The following SMOC1 variants were observed in gnomAD, a reference collection of about 807,000 sequenced individuals.
SMOC1 encodes SPARC-related modular calcium-binding protein 1.
Under a neutral mutation model 56.3 loss-of-function variants are expected in SMOC1, and 22 were observed. That is an observed-to-expected ratio of 0.39 (90% confidence interval 0.28 to 0.56). The LOEUF is 0.56. Ranked by LOEUF, SMOC1 falls within the 20% of genes least tolerant of loss-of-function variation. SMOC1 has a pLI of 0.61. For missense variants in SMOC1, 509 were observed against 565.4 expected, an observed-to-expected ratio of 0.90 and a Z score of 1.01; for synonymous variants, 193 against 215.0, an observed-to-expected ratio of 0.90 and a Z score of 0.89.
At chr14:69,895,765 C>G (rs988985365) in intron 1 of SMOC1, among the ~76,000 whole-genome samples, 1 of 152,096 alleles carries the variant, frequency 6.6e-6, no homozygotes, top group African/African-American at 2.4e-5. Context: ...TTCTTTCCCC[C>G]CATCAAGGTA....
intron 1 of SMOC1, among the ~76,000 whole-genome samples, chr14:69,895,735 TG>T (rs1453861338): frequency 6.6e-6 from 1 of 152,198 alleles, no homozygotes; most frequent in African/African-American, 2.4e-5. Flanking sequence ...TAACTTTTCC[TG>T]GTGGTATGGC....
At chr14:69,885,240 C>A in intron 1 of SMOC1, 2 of 741,314 alleles carry the variant, frequency 2.7e-6, no homozygotes, top group East Asian at 2.7e-5. Context: ...TGCTTAGGAA[C>A]GATTACTCTC....
Position 69,950,160 on chromosome 14 carries a change from A to G in SMOC1, c.100-1978A>G, listed in dbSNP as rs910313458. On this transcript the variant is annotated intron_variant, in intron 1 of 11. Transcript: ENST00000361956. ...GTGTCTGAAGAGAAAGCGCAATTTCACTGTCCATTTGGACAAGGCCTGTGC... is the reference window on the plus strand; with the variant it reads ...GTGTCTGAAGAGAAAGCGCAATTTCGCTGTCCATTTGGACAAGGCCTGTGC... 1.2e-4 allele frequency among the ~76,000 whole-genome samples: 19 copies of G among 152,328 alleles called. 1 individual carries two copies. The East Asian group carries it at 3.7e-3, about 29-fold the overall frequency.
At chr14:69,931,001 C>A (rs978593285) in intron 1 of SMOC1, among the ~76,000 whole-genome samples, 1 of 152,188 alleles carries the variant, frequency 6.6e-6, no homozygotes, top group East Asian at 1.9e-4. Flanking sequence ...GTCCATTTTG[C>A]ATTTATTCTC....
chr14:69,968,270 G>C (rs76303786), intron 3 of SMOC1, among the ~76,000 whole-genome samples: 10,384 of 152,268 alleles, frequency 0.068, 427 homozygotes, highest in Middle Eastern at 0.15. Flanking sequence ...CAGAGAACCT[G>C]TTAGAAATGC....
chr14:69,893,150 T>A (rs1190145419), intron 1 of SMOC1, among the ~76,000 whole-genome samples: 1 of 152,246 alleles, frequency 6.6e-6, no homozygotes, highest in Non-Finnish European at 1.5e-5. Flanking sequence ...ATCAATAGGT[T>A]TGATCAGGTG....
At chr14:69,906,841 A>G (rs1213316681) in intron 1 of SMOC1, among the ~76,000 whole-genome samples, 1 of 152,204 alleles carries the variant, frequency 6.6e-6, no homozygotes, top group Non-Finnish European at 1.5e-5. Flanking sequence ...AAAGAGAGGA[A>G]TGGAAATGGA....
chr14:69,913,630 A>C (rs944549422), intron 1 of SMOC1, among the ~76,000 whole-genome samples: 3 of 152,190 alleles, frequency 2.0e-5, no homozygotes, highest in Non-Finnish European at 4.4e-5. Flanking sequence ...AAGGCCCTGC[A>C]GTTGGTGGGG....
intron 5 of SMOC1, among the ~76,000 whole-genome samples, chr14:69,978,503 T>C (rs1884054281): frequency 6.6e-6 from 1 of 152,332 alleles, no homozygotes; most frequent in African/African-American, 2.4e-5. Flanking sequence ...TTGAGTCTGA[T>C]GGGACAGTGA....
intron 4 of SMOC1, 49 bp downstream of exon 4, chr14:69,975,863 G>A (rs758594278): frequency 1.8e-5 from 25 of 1,376,700 alleles, no homozygotes; most frequent in African/African-American, 5.7e-5. Flanking sequence ...AGAGAGACCC[G>A]TTGGTTGGTC....
chr14:69,937,571 C>T (rs1042008412), intron 1 of SMOC1, among the ~76,000 whole-genome samples: 4 of 152,250 alleles, frequency 2.6e-5, no homozygotes, highest in Middle Eastern at 3.4e-3. Flanking sequence ...CACAGTTGTG[C>T]GAAGTCAGAC....
At chr14:70,012,849 T>TG (rs1378507688) in intron 9 of SMOC1, among the ~76,000 whole-genome samples, 1 of 152,108 alleles carries the variant, frequency 6.6e-6, no homozygotes, top group Non-Finnish European at 1.5e-5. Context: ...ACAAGAGAGA[T>TG]GCTGTAGTTA....
chr14:69,961,806 G>A (rs1883391867), intron 3 of SMOC1, among the ~76,000 whole-genome samples: 1 of 152,156 alleles, frequency 6.6e-6, no homozygotes, highest in Admixed American at 6.5e-5. Context: ...TGGTAACTAT[G>A]TTTATGCTTT....
At chr14:70,016,706 G>A (rs1026164706) in intron 10 of SMOC1, among the ~76,000 whole-genome samples, 4 of 152,174 alleles carry the variant, frequency 2.6e-5, no homozygotes, top group Non-Finnish European at 4.4e-5. Context: ...CCACCATTAT[G>A]TTCCAGGTAC....
chr14:69,988,291 T>C (rs1884439261), intron 5 of SMOC1, among the ~76,000 whole-genome samples: 1 of 91,658 alleles, frequency 1.1e-5, no homozygotes, highest in Non-Finnish European at 2.5e-5. Flanking sequence ...TGAATTGGCT[T>C]TTTTTTTTTC....
chr14:69,910,306 G>A lies in SMOC1; in HGVS notation c.99+30529G>A, dbSNP rs1472062585. 2.0e-5 allele frequency among the ~76,000 whole-genome samples: 3 copies of A among 152,216 alleles called. No individual in the cohort carries two copies. The East Asian group carries it at 5.8e-4, about 29-fold the overall frequency. On this transcript the variant is annotated intron_variant, in intron 1 of 11. Coordinates refer to ENST00000361956, the MANE Select transcript of SMOC1 (RefSeq NM_001034852.3). ...CTGGGAAGAGTCTGGATTTGAATCT[G>A]AGTCTGTCTAGTTGCAAAGTCCTGT...
At chr14:69,927,001 A>G (rs923103428) in intron 1 of SMOC1, among the ~76,000 whole-genome samples, 3 of 152,240 alleles carry the variant, frequency 2.0e-5, no homozygotes, top group African/African-American at 7.2e-5. Flanking sequence ...TGCCAGGCCC[A>G]ATTCTAAATT....
intron 1 of SMOC1, among the ~76,000 whole-genome samples, chr14:69,949,496 T>C (rs1019183680): frequency 3.3e-5 from 5 of 152,164 alleles, no homozygotes; most frequent in Non-Finnish European, 5.9e-5. Flanking sequence ...AACCAAATCA[T>C]GCAAATGAAT....
chr14:69,919,836 C>T (rs1478497192), intron 1 of SMOC1, among the ~76,000 whole-genome samples: 1 of 151,780 alleles, frequency 6.6e-6, no homozygotes, highest in Non-Finnish European at 1.5e-5. Context: ...TTTTGGATAA[C>T]TTATATTGGG....
Sources: gnomAD v4.1 joint callset for allele counts (sites outside exome capture counted in the v4.1 genomes callset) on GRCh38, gnomAD v4.1.1 for gene constraint, MANE v1.5 for transcripts, NCBI Gene and HGNC (gene_info 2026-07-23, HGNC 2026-07-21) for gene names.